The following ERG variants were observed in gnomAD, a reference collection of about 807,000 sequenced individuals.
ERG encodes ETS transcription factor ERG.
Under a neutral mutation model 55.3 loss-of-function variants are expected in ERG, and 9 were observed. The ratio of observed to expected loss-of-function variants is 0.16; its 90% CI spans 0.10 to 0.28. The LOEUF is 0.28. ERG is among the 10% of genes least tolerant of loss of function. The pLI is 1.00. For missense variants in ERG, 434 were observed against 631.6 expected (o/e 0.69, Z 3.35); for synonymous variants, 223 against 237.3 (o/e 0.94, Z 0.55).
At chr21:38,407,645 T>TG (rs56022790) in intron 3 of ERG, among the ~76,000 whole-genome samples, 1 of 144,432 alleles carries the variant, frequency 6.9e-6, no homozygotes, top group Non-Finnish European at 1.5e-5. Flanking sequence ...TATATATATA[T>TG]TTAATGTATA....
At chr21:38,648,951 A>T (rs538989746) in intron 1 of ERG, among the ~76,000 whole-genome samples, 1 of 152,302 alleles carries the variant, frequency 6.6e-6, no homozygotes, top group East Asian at 1.9e-4. Flanking sequence ...CTAGAAGCTC[A>T]GAGACAGTGA....
chr21:38,405,324 A>G (rs1333635673), intron 3 of ERG, among the ~76,000 whole-genome samples: 1 of 152,236 alleles, frequency 6.6e-6, no homozygotes, highest in African/African-American at 2.4e-5. Context: ...ATACTCAATC[A>G]TTAAGCAGCT....
chr21:38,548,947 A>T (rs2059806182), intron 2 of ERG, among the ~76,000 whole-genome samples: 1 of 150,728 alleles, frequency 6.6e-6, no homozygotes, highest in Non-Finnish European at 1.5e-5. Flanking sequence ...CGCCTCTACT[A>T]AAAAAATACA....
intron 2 of ERG, among the ~76,000 whole-genome samples, chr21:38,551,830 A>G (rs2059826365): frequency 6.6e-6 from 1 of 152,118 alleles, no homozygotes; most frequent in Non-Finnish European, 1.5e-5. Flanking sequence ...TGTTGGGTGC[A>G]GTGTTCTGGA....
chr21:38,521,542 GTGAT>G (rs1047193233), intron 2 of ERG, among the ~76,000 whole-genome samples: 5 of 152,254 alleles, frequency 3.3e-5, no homozygotes, highest in Non-Finnish European at 7.3e-5. Flanking sequence ...AATATTCAGG[GTGAT>G]TGGGAAAAAT....
At chr21:38,535,691 TA>T (rs1310116339) in intron 2 of ERG, among the ~76,000 whole-genome samples, 1 of 152,146 alleles carries the variant, frequency 6.6e-6, no homozygotes, top group African/African-American at 2.4e-5. Flanking sequence ...TAATATAAAG[TA>T]AAATATGTTC....
At chr21:38,577,352 G>A (rs989096931) in intron 1 of ERG, among the ~76,000 whole-genome samples, 7 of 152,226 alleles carry the variant, frequency 4.6e-5, no homozygotes, top group South Asian at 4.1e-4. Flanking sequence ...CAAGATTGGC[G>A]GAGCTTGGCT....
intron 2 of ERG, among the ~76,000 whole-genome samples, chr21:38,509,317 G>A (rs2059493592): frequency 6.6e-6 from 1 of 152,182 alleles, no homozygotes; most frequent in Non-Finnish European, 1.5e-5. Flanking sequence ...CATCAATCTT[G>A]ATTGGCATTG....
At chr21:38,540,204 A>G (rs947998727) in intron 2 of ERG, among the ~76,000 whole-genome samples, 7 of 152,166 alleles carry the variant, frequency 4.6e-5, no homozygotes, top group South Asian at 2.1e-4. Context: ...AAAAGAAAAA[A>G]AATATTCAAA....
chr21:38,433,944 G>A (rs945003383), intron 2 of ERG, among the ~76,000 whole-genome samples: 1 of 152,046 alleles, frequency 6.6e-6, no homozygotes, highest in Admixed American at 6.5e-5. Flanking sequence ...ACCTGGACAC[G>A]ACTTTCCAAC....
At chr21:38,393,675 C>T (rs1333594321) in intron 6 of ERG, among the ~76,000 whole-genome samples, 2 of 152,172 alleles carry the variant, frequency 1.3e-5, no homozygotes, top group Non-Finnish European at 2.9e-5. Context: ...GAAGATGTGT[C>T]TCTTCCTATT....
At chr21:38,646,334 T>G (rs2060456574) in intron 1 of ERG, among the ~76,000 whole-genome samples, 1 of 148,908 alleles carries the variant, frequency 6.7e-6, no homozygotes, top group Admixed American at 6.7e-5. Context: ...GCTTCTGCAC[T>G]CATGGTAACA....
chr21:38,463,915 C>T (rs1256883070), intron 1 of ERG, among the ~76,000 whole-genome samples: 1 of 152,176 alleles, frequency 6.6e-6, no homozygotes, highest in East Asian at 1.9e-4. Context: ...CTTTTTCACA[C>T]ACCCTTTTTA....
intron 9 of ERG, among the ~76,000 whole-genome samples, chr21:38,388,562 G>C (rs1191685224): frequency 6.6e-6 from 1 of 152,156 alleles, no homozygotes; most frequent in African/African-American, 2.4e-5. Flanking sequence ...AAAGATAAAA[G>C]ACATTCTGGT....
intron 3 of ERG, among the ~76,000 whole-genome samples, chr21:38,413,807 A>G (rs1989162666): frequency 1.3e-5 from 2 of 152,000 alleles, no homozygotes; most frequent in Non-Finnish European, 2.9e-5. Context: ...GTTCCACATA[A>G]AGGTTTCTCC....
At chr21:38,646,857 A>AGCT (rs1357985661) in intron 1 of ERG, among the ~76,000 whole-genome samples, 1 of 152,114 alleles carries the variant, frequency 6.6e-6, no homozygotes, top group East Asian at 1.9e-4. Flanking sequence ...AATGTGATCC[A>AGCT]GCTGCTGCAC....
At chr21:38,555,012 A>T (rs1408120434) in intron 2 of ERG, among the ~76,000 whole-genome samples, 1 of 152,162 alleles carries the variant, frequency 6.6e-6, no homozygotes, top group Non-Finnish European at 1.5e-5. Flanking sequence ...ACAAAAAAAA[A>T]TGTTAACAAA....
intron 1 of ERG, among the ~76,000 whole-genome samples, chr21:38,630,460 T>C (rs982308304): frequency 6.6e-6 from 1 of 151,696 alleles, no homozygotes; most frequent in Admixed American, 6.6e-5. Context: ...AACAGGGAGG[T>C]GGGAGGAGGA....
chr21:38,565,576 G>A (rs1050999666), intron 2 of ERG, among the ~76,000 whole-genome samples: 1 of 152,082 alleles, frequency 6.6e-6, no homozygotes, highest in African/African-American at 2.4e-5. Context: ...CCTGCCAAAG[G>A]GCCTTTGCAC....
Sources: gnomAD v4.1 joint callset for allele counts (sites outside exome capture counted in the v4.1 genomes callset) on GRCh38, gnomAD v4.1.1 for gene constraint, MANE v1.5 for transcripts, NCBI Gene and HGNC (gene_info 2026-07-23, HGNC 2026-07-21) for gene names.